The following TAFA1 variants were observed in gnomAD, a reference collection of about 807,000 sequenced individuals.
TAFA1 encodes the protein chemokine-like protein TAFA-1.
TAFA1 carries 4 observed loss-of-function variants against 18.5 expected under a neutral mutation model. The ratio of observed to expected loss-of-function variants is 0.22; its 90% CI spans 0.11 to 0.49. TAFA1 has a LOEUF of 0.49. Among genes scored for constraint, TAFA1 ranks in the 20% least tolerant of loss-of-function variants. TAFA1 has a pLI of 0.98. For missense variants in TAFA1, 147 were observed against 169.0 expected, an observed-to-expected ratio of 0.87 and a Z score of 0.72; for synonymous variants, 56 against 55.2, an observed-to-expected ratio of 1.01 and a Z score of -0.06.
At chr3:68,182,617 C>T (rs141460664) in intron 2 of TAFA1, among the ~76,000 whole-genome samples, 1 of 152,128 alleles carries the variant, frequency 6.6e-6, no homozygotes, top group South Asian at 2.1e-4. Flanking sequence ...ACATCCAACA[C>T]CCCTTTAAAG....
intron 2 of TAFA1, among the ~76,000 whole-genome samples, chr3:68,209,159 A>T (rs2066563512): frequency 6.6e-6 from 1 of 151,988 alleles, no homozygotes; most frequent in Non-Finnish European, 1.5e-5. Context: ...ATCTTCACTT[A>T]GTCAGTCAAG....
chr3:68,310,202 C>A (rs2068490986), intron 2 of TAFA1, among the ~76,000 whole-genome samples: 1 of 152,196 alleles, frequency 6.6e-6, no homozygotes, highest in East Asian at 1.9e-4. Context: ...ACTTTAAAAG[C>A]TTACTTGTAC....
chr3:68,412,378 T>TTTA (rs1376143680), intron 2 of TAFA1, among the ~76,000 whole-genome samples: 3 of 151,878 alleles, frequency 2.0e-5, no homozygotes, highest in African/African-American at 7.2e-5. Flanking sequence ...TATATATTCT[T>TTTA]TTATTATTAT....
At chr3:68,327,029 G>A (rs1360349031) in intron 2 of TAFA1, among the ~76,000 whole-genome samples, 2 of 152,112 alleles carry the variant, frequency 1.3e-5, no homozygotes, top group African/African-American at 4.8e-5. Flanking sequence ...TCATGGGGGT[G>A]GTTCTTTCCT....
intron 4 of TAFA1, 115 bp downstream of exon 4, chr3:68,538,995 C>A (rs1184778895): frequency 9.2e-7 from 1 of 1,081,910 alleles, no homozygotes. Context: ...TCTCCACTGA[C>A]AGAAAGCATT....
intron 2 of TAFA1, among the ~76,000 whole-genome samples, chr3:68,351,588 A>G (rs1358585701): frequency 6.6e-6 from 1 of 152,086 alleles, no homozygotes; most frequent in African/African-American, 2.4e-5. Context: ...TTTGAATTCC[A>G]GCTTATATAG....
chr3:68,440,315 C>A (rs1446765471), intron 3 of TAFA1, among the ~76,000 whole-genome samples: 1 of 152,164 alleles, frequency 6.6e-6, no homozygotes, highest in Admixed American at 6.5e-5. Flanking sequence ...GTCCATTAAA[C>A]CTCTTTCTTT....
At chr3:68,096,515 G>T (rs2065088313) in intron 2 of TAFA1, among the ~76,000 whole-genome samples, 1 of 152,056 alleles carries the variant, frequency 6.6e-6, no homozygotes, top group Non-Finnish European at 1.5e-5. Flanking sequence ...GAATGCTTTG[G>T]ATACATCATC....
chr3:68,053,370 A>C (rs1404477088), intron 2 of TAFA1, among the ~76,000 whole-genome samples: 2 of 152,114 alleles, frequency 1.3e-5, no homozygotes, highest in Non-Finnish European at 2.9e-5. Flanking sequence ...TAAAGACCTT[A>C]ATCTACATGT....
intron 2 of TAFA1, among the ~76,000 whole-genome samples, chr3:68,416,635 A>G (rs1203065678): frequency 2.6e-5 from 4 of 152,214 alleles, no homozygotes; most frequent in African/African-American, 7.2e-5. Flanking sequence ...TAGTTTGCCA[A>G]TAAATTCTGA....
At chr3:68,456,435 T>G (rs2071667949) in intron 3 of TAFA1, among the ~76,000 whole-genome samples, 3 of 152,146 alleles carry the variant, frequency 2.0e-5, no homozygotes. Flanking sequence ...CCTCAAAAAT[T>G]TGTTTAACAG....
chr3:68,409,674 C>G (rs1445919284), intron 2 of TAFA1, among the ~76,000 whole-genome samples: 1 of 152,112 alleles, frequency 6.6e-6, no homozygotes, highest in East Asian at 1.9e-4. Flanking sequence ...CAATCACCAA[C>G]AGCAAAAGAT....
chr3:68,340,450 A>G (rs1255668040), intron 2 of TAFA1, among the ~76,000 whole-genome samples: 2 of 152,238 alleles, frequency 1.3e-5, no homozygotes, highest in African/African-American at 4.8e-5. Context: ...AAGGCATTTG[A>G]ATGGTAGAAA....
intron 2 of TAFA1, among the ~76,000 whole-genome samples, chr3:68,146,842 A>G (rs1272183483): frequency 6.6e-6 from 1 of 152,200 alleles, no homozygotes; most frequent in Non-Finnish European, 1.5e-5. Flanking sequence ...ATTGTTTATT[A>G]GATGCTAAAG....
At position 68,502,548 on chromosome 3, in the gene TAFA1, G is replaced by A. The variant is rs1398069; in HGVS notation, c.260-36208G>A. 3.4e-3 allele frequency among the ~76,000 whole-genome samples: 513 copies of A among 152,166 alleles called. 9 individuals are homozygous for A. In the East Asian group the frequency reaches 0.043, roughly 13 times the overall value. On this transcript the variant is annotated intron_variant, in intron 3 of 4. Coordinates refer to ENST00000478136, the MANE Select transcript of TAFA1 (RefSeq NM_213609.4). ...GTAGACAGTCATACTAATAATCACA[G>A]ACAATAGACACCATGTCAATACTAC...
intron 2 of TAFA1, among the ~76,000 whole-genome samples, chr3:68,384,528 G>T (rs2070048468): frequency 6.6e-6 from 1 of 152,056 alleles, no homozygotes; most frequent in African/African-American, 2.4e-5. Context: ...TGGTCAGAAA[G>T]ATTGTTTATT....
intron 2 of TAFA1, among the ~76,000 whole-genome samples, chr3:68,051,058 C>T (rs1166278537): frequency 6.6e-6 from 1 of 152,002 alleles, no homozygotes; most frequent in African/African-American, 2.4e-5. Flanking sequence ...TGACTTTCTA[C>T]TTTGGCAACT....
intron 2 of TAFA1, among the ~76,000 whole-genome samples, chr3:68,373,728 G>C (rs2069757822): frequency 6.6e-6 from 1 of 152,138 alleles, no homozygotes; most frequent in South Asian, 2.1e-4. Flanking sequence ...CAAGATACGA[G>C]TCACCATCTG....
intron 3 of TAFA1, among the ~76,000 whole-genome samples, chr3:68,502,806 A>G (rs894540828): frequency 6.6e-6 from 1 of 152,074 alleles, no homozygotes; most frequent in African/African-American, 2.4e-5. Context: ...TTCCCCACAA[A>G]AGACACAAAA....
Sources: gnomAD v4.1 joint callset for allele counts (sites outside exome capture counted in the v4.1 genomes callset) on GRCh38, gnomAD v4.1.1 for gene constraint, MANE v1.5 for transcripts, NCBI Gene and HGNC (gene_info 2026-07-23, HGNC 2026-07-21) for gene names.